TRHDE: variants seen among roughly 807,000 people sequenced by gnomAD.
TRHDE encodes the protein thyrotropin-releasing hormone-degrading ectoenzyme.
Under a neutral mutation model 125.7 loss-of-function variants are expected in TRHDE, and 72 were observed. The observed-to-expected ratio is 0.57, with a 90% CI of 0.47 to 0.70. The LOEUF (loss-of-function observed/expected upper bound fraction) is 0.70. Ranked by LOEUF, TRHDE falls within the 30% of genes least tolerant of loss-of-function variation. TRHDE has a pLI of 0.00. For synonymous variants in TRHDE, 509 were observed against 509.1 expected (o/e 1.00, Z 0.00); for missense variants, 1,110 against 1,327.1 (o/e 0.84, Z 2.54).
chr12:72,641,726 GA>G (rs1874069954), intron 15 of TRHDE, among the ~76,000 whole-genome samples: 1 of 152,128 alleles, frequency 6.6e-6, no homozygotes, highest in Non-Finnish European at 1.5e-5. Context: ...AATCTTTGGA[GA>G]CTGTCTTATT....
intron 2 of TRHDE, among the ~76,000 whole-genome samples, chr12:72,320,543 CTGTGTGTGTGTGTGTGTGTG>C (rs59244019): frequency 7.0e-6 from 1 of 143,080 alleles, no homozygotes; most frequent in African/African-American, 2.6e-5. Context: ...AGAGGGTTGA[CTGTGTGTGTGTGTGTGTGTG>C]TGTGTGTGTG....
chr12:72,317,902 G>A (rs1427231306), intron 2 of TRHDE, among the ~76,000 whole-genome samples: 1 of 152,140 alleles, frequency 6.6e-6, no homozygotes, highest in African/African-American at 2.4e-5. Context: ...GCAGGAGGAA[G>A]GATGTAGGAA....
At chr12:72,265,380 A>G (rs1380866987) in intron 2 of TRHDE, among the ~76,000 whole-genome samples, 1 of 151,924 alleles carries the variant, frequency 6.6e-6, no homozygotes, top group Non-Finnish European at 1.5e-5. Flanking sequence ...ATACTCTCAG[A>G]AAAACATGTA....
intron 6 of TRHDE, among the ~76,000 whole-genome samples, chr12:72,512,722 TAGAA>T (rs1035135290): frequency 3.6e-4 from 53 of 148,346 alleles, no homozygotes; most frequent in African/African-American, 1.2e-3. Context: ...CTATAGTACT[TAGAA>T]AGGAATAAAT....
intron 15 of TRHDE, among the ~76,000 whole-genome samples, chr12:72,643,252 GA>G (rs1191184452): frequency 6.6e-6 from 1 of 152,090 alleles, no homozygotes; most frequent in Non-Finnish European, 1.5e-5. Flanking sequence ...ATATTTTGAG[GA>G]TTTGTAGCTG....
intron 2 of TRHDE, among the ~76,000 whole-genome samples, chr12:72,181,545 G>A (rs1173487503): frequency 6.6e-6 from 1 of 152,140 alleles, no homozygotes; most frequent in Non-Finnish European, 1.5e-5. Context: ...ATTATCATCT[G>A]CATATTAGTT....
At chr12:72,601,378 C>T (rs1351932358) in intron 12 of TRHDE, among the ~76,000 whole-genome samples, 2 of 152,050 alleles carry the variant, frequency 1.3e-5, no homozygotes, top group East Asian at 1.9e-4. Context: ...GAAATGTCAT[C>T]GACTACTGGT....
chr12:72,380,412 G>A (rs1320429292), intron 3 of TRHDE, among the ~76,000 whole-genome samples: 1 of 152,176 alleles, frequency 6.6e-6, no homozygotes, highest in African/African-American at 2.4e-5. Flanking sequence ...GGGGACAGAT[G>A]GGGCATGGGA....
chr12:72,562,313 C>CA, intron 8 of TRHDE, 83 bp downstream of exon 8: 2 of 654,126 alleles, frequency 3.1e-6, no homozygotes, highest in Non-Finnish European at 2.6e-6. Flanking sequence ...CCTTTATTGA[C>CA]ACCTGATAGT....
intron 5 of TRHDE, among the ~76,000 whole-genome samples, chr12:72,479,201 G>T (rs1324160890): frequency 6.6e-6 from 1 of 152,078 alleles, no homozygotes; most frequent in Non-Finnish European, 1.5e-5. Flanking sequence ...AAATTGTGTA[G>T]CACAGATACA....
intron 2 of TRHDE, among the ~76,000 whole-genome samples, chr12:72,217,682 CAACAGAATGCTAAGTGA>C (rs1877920884): frequency 6.6e-6 from 1 of 152,098 alleles, no homozygotes; most frequent in Non-Finnish European, 1.5e-5. Flanking sequence ...TCTGCAGATT[CAACAGAATGCTAAGTGA>C]AACAGAGATG....
intron 1 of TRHDE, among the ~76,000 whole-genome samples, chr12:72,279,089 ATTTG>A (rs1006762583): frequency 5.3e-5 from 8 of 152,156 alleles, no homozygotes; most frequent in Non-Finnish European, 1.2e-4. Flanking sequence ...CTTTCCCAGT[ATTTG>A]TTTGGTTTGC....
intron 6 of TRHDE, among the ~76,000 whole-genome samples, chr12:72,522,836 T>C (rs1565777305): frequency 6.6e-6 from 1 of 152,082 alleles, no homozygotes; most frequent in Non-Finnish European, 1.5e-5. Flanking sequence ...ACCTCTGAAA[T>C]GAAGATCATG....
intron 2 of TRHDE, among the ~76,000 whole-genome samples, chr12:72,113,067 G>T (rs1385482573): frequency 3.3e-5 from 5 of 152,098 alleles, no homozygotes; most frequent in African/African-American, 1.2e-4. Flanking sequence ...ACCCAGGCTG[G>T]AGAGCAGTGG....
At chr12:72,617,038 T>C (rs1485643119) in intron 12 of TRHDE, among the ~76,000 whole-genome samples, 1 of 152,140 alleles carries the variant, frequency 6.6e-6, no homozygotes, top group African/African-American at 2.4e-5. Flanking sequence ...TCACTTATTA[T>C]TGGGATGTTG....
chr12:72,359,697 A>C (rs1290981044), intron 2 of TRHDE, among the ~76,000 whole-genome samples: 1 of 151,704 alleles, frequency 6.6e-6, no homozygotes. Flanking sequence ...GCTAAGATCT[A>C]ATATTTTGAA....
chr12:72,619,462 T>C (rs1237751361), intron 13 of TRHDE, among the ~76,000 whole-genome samples: 1 of 152,130 alleles, frequency 6.6e-6, no homozygotes, highest in Non-Finnish European at 1.5e-5. Flanking sequence ...TTCACTGCCT[T>C]AATTAACAAG....
intron 7 of TRHDE, among the ~76,000 whole-genome samples, chr12:72,547,060 G>A (rs1340265256): frequency 2.6e-5 from 4 of 151,138 alleles, no homozygotes; most frequent in Admixed American, 2.0e-4. Context: ...GATGGCAGGG[G>A]AAGTGGTGGT....
At chr12:72,152,610 T>C (rs556334877) in intron 2 of TRHDE, among the ~76,000 whole-genome samples, 1 of 152,356 alleles carries the variant, frequency 6.6e-6, no homozygotes, top group African/African-American at 2.4e-5. Flanking sequence ...GCATGAAGGT[T>C]GTTGAAATTT....
Sources: gnomAD v4.1 joint callset for allele counts (sites outside exome capture counted in the v4.1 genomes callset) on GRCh38, gnomAD v4.1.1 for gene constraint, MANE v1.5 for transcripts, NCBI Gene and HGNC (gene_info 2026-07-23, HGNC 2026-07-21) for gene names.